WRN: variants seen among roughly 807,000 people sequenced by gnomAD.
The protein encoded by WRN is bifunctional 3'-5' exonuclease/ATP-dependent helicase WRN.
Under a neutral mutation model 180.7 loss-of-function variants are expected in WRN, and 149 were observed. The observed-to-expected ratio is 0.82, with a 90% CI of 0.72 to 0.94. The LOEUF is 0.94. WRN is among the 40% of genes least tolerant of loss of function. The pLI is 0.00. For missense variants in WRN, 1,661 were observed against 1,700.1 expected (o/e 0.98, Z 0.40); for synonymous variants, 548 against 568.9 (o/e 0.96, Z 0.52).
At chr8:31,081,356 C>T in intron 9 of WRN, 60 bp downstream of exon 9, 2 of 1,550,770 alleles carry the variant, frequency 1.3e-6, no homozygotes, top group Non-Finnish European at 1.8e-6. Flanking sequence ...GACTTTATTC[C>T]CGTAAAGAGA....
At chr8:31,168,123 T>C (rs1803969914) in intron 34 of WRN, among the ~76,000 whole-genome samples, 1 of 152,148 alleles carries the variant, frequency 6.6e-6, no homozygotes, top group Non-Finnish European at 1.5e-5. Flanking sequence ...TTAAATTCTG[T>C]ACTTGAGTTA....
At chr8:31,112,610 A>T (rs968216062) in intron 19 of WRN, among the ~76,000 whole-genome samples, 3 of 152,036 alleles carry the variant, frequency 2.0e-5, no homozygotes, top group Non-Finnish European at 4.4e-5. Context: ...TATTTGAGAC[A>T]GTGTCTTGCT....
chr8:31,114,755 A>AT (rs1025622062), intron 19 of WRN, among the ~76,000 whole-genome samples: 1 of 151,642 alleles, frequency 6.6e-6, no homozygotes, highest in Non-Finnish European at 1.5e-5. Context: ...ATTTATGCAA[A>AT]TTTTTTTTCA....
intron 31 of WRN, among the ~76,000 whole-genome samples, chr8:31,153,771 C>G (rs980439347): frequency 2.6e-5 from 4 of 152,092 alleles, no homozygotes; most frequent in African/African-American, 9.7e-5. Context: ...CTTAAACTCC[C>G]TAATAACAGA....
intron 33 of WRN, among the ~76,000 whole-genome samples, 161 bp downstream of exon 33, chr8:31,157,691 A>G (rs755370652): frequency 1.3e-5 from 2 of 152,078 alleles, no homozygotes; most frequent in African/African-American, 2.4e-5. Context: ...CTTTCTTCCC[A>G]TTATCACTCA....
chr8:31,082,953 CTT>C (rs769956342), intron 9 of WRN, among the ~76,000 whole-genome samples: 3 of 152,106 alleles, frequency 2.0e-5, no homozygotes, highest in Non-Finnish European at 4.4e-5. Context: ...AATAAAATAA[CTT>C]TTTTTCCTAG....
intron 7 of WRN, 129 bp from the exon 8 acceptor site, chr8:31,076,044 G>T (rs1025123109): frequency 1.2e-5 from 9 of 757,150 alleles, no homozygotes; most frequent in Non-Finnish European, 1.8e-5. Context: ...GAATAAGAAG[G>T]TCTTTTTGTT....
chr8:31,141,338 A>C (rs1802618965), intron 24 of WRN, 92 bp from the exon 25 acceptor site: 1 of 1,520,110 alleles, frequency 6.6e-7, no homozygotes, highest in Admixed American at 1.8e-5. Flanking sequence ...AATTTAGTGT[A>C]AATCCAAAGA....
At chr8:31,122,885 T>TTTTTC (rs1554528813) in intron 21 of WRN, among the ~76,000 whole-genome samples, 1 of 128,470 alleles carries the variant, frequency 7.8e-6, no homozygotes, top group African/African-American at 3.0e-5. Context: ...TTTTTTTTTT[T>TTTTTC]CTATAGGAGG....
At chr8:31,039,155 G>A (rs117544971) in intron 1 of WRN, among the ~76,000 whole-genome samples, 1 of 152,260 alleles carries the variant, frequency 6.6e-6, no homozygotes, top group East Asian at 1.9e-4. Context: ...ATAACTTTGG[G>A]TAGTATTGAC....
chr8:31,142,644 G>T lies in WRN; in HGVS notation c.3252G>T (p.Ser1084=). The T allele has an allele frequency of 6.3e-7, 1 of 1,597,334 alleles. No homozygotes were observed. The highest frequency in any genetic ancestry group is 1.2e-5 in the South Asian group (1 of 85,856). ...TTTTTAGTTCGAAAACTGTATCTTC[G>T]GGCACCAAAGAGCATTGTTATAATC... ...LLLPSSKTVS[S]GTKEHCYNQV... Residue 1084 remains serine, a synonymous_variant, in exon 27 of 35, where the codon TCG becomes TCT. Transcript: ENST00000298139.
At chr8:31,132,055 G>C (rs11574331) in intron 23 of WRN, among the ~76,000 whole-genome samples, 1 of 150,374 alleles carries the variant, frequency 6.7e-6, no homozygotes. Context: ...TATAAATATG[G>C]CAACTCTGCT....
At chr8:31,157,632 T>A in intron 33 of WRN, 102 bp downstream of exon 33, 1 of 1,431,290 alleles carries the variant, frequency 7.0e-7, no homozygotes, top group Non-Finnish European at 9.6e-7. Context: ...TTTATGCTAT[T>A]ATGAAAACCT....
chr8:31,036,163 GT>G (rs934785944), intron 1 of WRN, among the ~76,000 whole-genome samples: 23 of 152,174 alleles, frequency 1.5e-4, no homozygotes, highest in African/African-American at 5.6e-4. Context: ...ATGTCTTCCA[GT>G]TCCATTCATG....
intron 1 of WRN, among the ~76,000 whole-genome samples, chr8:31,051,133 CA>C (rs764181894): frequency 2.6e-5 from 4 of 151,720 alleles, no homozygotes; most frequent in Non-Finnish European, 4.4e-5. Context: ...GTTTAGCCCT[CA>C]AGCAATTAGG....
At chr8:31,106,971 G>A (rs893659571) in intron 18 of WRN, among the ~76,000 whole-genome samples, 2 of 152,168 alleles carry the variant, frequency 1.3e-5, no homozygotes, top group African/African-American at 4.8e-5. Flanking sequence ...GCAGTATAGA[G>A]TTGGGCCATA....
At position 31,124,963 on chromosome 8, in the gene WRN, A is replaced by G. The variant is rs2130344654; in HGVS notation, c.2788A>G (p.Met930Val). Residue 930 changes from methionine to valine, a missense_variant, in exon 23 of 35, where the codon ATG becomes GTG. By Grantham distance (21) the Met-to-Val change is conservative (BLOSUM62 1). Transcript: ENST00000298139. ...KQVQKASLGIMGTEKCCDNCR... is the reference protein window; with the variant it reads ...KQVQKASLGIVGTEKCCDNCR... Reference sequence around the variant, plus strand: ...AGTACAAAAAGCCTCCTTGGGAATTATGGGAACTGAAAAATGCTGTGATAA... The same window carrying G: ...AGTACAAAAAGCCTCCTTGGGAATTGTGGGAACTGAAAAATGCTGTGATAA... 1 of 1,613,222 alleles carries G rather than the reference A, an allele frequency of 6.2e-7. No individual in the cohort carries two copies. Among genetic ancestry groups the G allele is most frequent in the East Asian group, 2.2e-5 (1 of 44,742 alleles).
In WRN at chr8:31,147,563, G is replaced by A. The variant is rs1585522944; in HGVS notation, c.3572+87G>A. On this transcript the variant is annotated intron_variant, in intron 30 of 34. Coordinates refer to ENST00000298139, the MANE Select transcript of WRN (RefSeq NM_000553.6). Reference sequence around the variant, plus strand: ...TATCTAAGTTGATAATATGACCATAGCTTCCACTGTCACATCTGGGAGGTG... The same window carrying A: ...TATCTAAGTTGATAATATGACCATAACTTCCACTGTCACATCTGGGAGGTG... 2.4e-6 allele frequency: 3 copies of A among 1,241,234 alleles called. No homozygotes were observed. The East Asian group carries it at 7.7e-5, about 32-fold the overall frequency. 76.9% of individuals were successfully genotyped at this position (1,241,234 alleles called of 1,614,324 possible). A position where few individuals can be genotyped will look rare whatever the true frequency, so the allele number is the denominator to read the frequency against.
chr8:31,058,653 G>C, intron 2 of WRN, 110 bp downstream of exon 2: 1 of 1,135,202 alleles, frequency 8.8e-7, no homozygotes, highest in Non-Finnish European at 1.3e-6. Flanking sequence ...GGTCAGAGTT[G>C]CTGTTGTCTA....
Sources: gnomAD v4.1 joint callset for allele counts (sites outside exome capture counted in the v4.1 genomes callset) on GRCh38, gnomAD v4.1.1 for gene constraint, MANE v1.5 for transcripts, NCBI Gene and HGNC (gene_info 2026-07-23, HGNC 2026-07-21) for gene names.